The following PRKAG1 variants were observed in gnomAD, a reference collection of about 807,000 sequenced individuals.
The protein encoded by PRKAG1 is 5'-AMP-activated protein kinase subunit gamma-1.
PRKAG1 carries 27 observed loss-of-function variants against 48.2 expected under a neutral mutation model. The observed-to-expected ratio is 0.56, with a 90% CI of 0.41 to 0.77. PRKAG1 has a LOEUF of 0.77. Ranked by LOEUF, PRKAG1 falls within the 30% of genes least tolerant of loss-of-function variation. The pLI is 0.00. For synonymous variants in PRKAG1, 130 were observed against 147.7 expected (o/e 0.88, Z 0.87); for missense variants, 287 against 398.3 (o/e 0.72, Z 2.38).
chr12:49,002,824 T>A lies in PRKAG1; in HGVS notation c.*75A>T, dbSNP rs1429116590. 7.2e-7 allele frequency: 1 copy of A among 1,379,360 alleles called. No individual in the cohort carries two copies. Among genetic ancestry groups the A allele is most frequent in the Non-Finnish European group, 1.0e-6 (1 of 982,900 alleles). The allele number at this position is 1,379,360 out of a possible 1,614,324, so 85.4% of individuals were successfully genotyped here. A position where few individuals can be genotyped will look rare whatever the true frequency, so the allele number is the denominator to read the frequency against. On this transcript the variant is annotated 3_prime_UTR_variant, in exon 12 of 12. Transcript: ENST00000548065. ...AGAGTCACAATTCCCTCAAGTTTCA[T>A]CTGATTCCCACAGAGCTTCCAGCAG...
At chr12:49,017,393 G>A (rs138728522) in intron 1 of PRKAG1, 61 of 349,072 alleles carry the variant, frequency 1.7e-4, no homozygotes, top group African/African-American at 1.3e-3. Context: ...TTTTGTTTCT[G>A]TCGAGACAGG....
intron 1 of PRKAG1, chr12:49,017,080 G>C (rs1460611955): frequency 4.4e-6 from 2 of 450,056 alleles, no homozygotes; most frequent in Non-Finnish European, 8.9e-6. Context: ...TTCTGTCACA[G>C]TCCTCTGTTT....
At chr12:49,010,619 G>A (rs1941717070) in intron 2 of PRKAG1, among the ~76,000 whole-genome samples, 1 of 152,134 alleles carries the variant, frequency 6.6e-6, no homozygotes, top group African/African-American at 2.4e-5. Flanking sequence ...GGATCTGACT[G>A]TTTCTTAGAC....
Position 49,005,025 on chromosome 12 carries a change from G to A in PRKAG1, c.356-7C>T, listed in dbSNP as rs781205762. ...GAGTCCTGGAGATACACCTCTGAAGGGAAAAGGGATGGGTCACAAAATACC... is the reference window on the plus strand; with the variant it reads ...GAGTCCTGGAGATACACCTCTGAAGAGAAAAGGGATGGGTCACAAAATACC... On this transcript the variant is annotated splice_polypyrimidine_tract_variant and splice_region_variant and intron_variant, in intron 6 of 11. Transcript: ENST00000548065. The surrounding 1 kb of genome is among the most constrained non-coding windows in gnomAD (Gnocchi z 4.1). 4 of 1,613,866 alleles carry A rather than the reference G, an allele frequency of 2.5e-6. No homozygotes were observed. The highest frequency in any genetic ancestry group is 3.4e-6 in the Non-Finnish European group (4 of 1,179,936).
Position 49,004,516 on chromosome 12 carries a change from G to C in PRKAG1, c.528C>G (p.Leu176=). 1.2e-6 allele frequency: 2 copies of C among 1,614,102 alleles called. No homozygotes were observed. The highest frequency in any genetic ancestry group is 1.7e-6 in the Non-Finnish European group (2 of 1,179,976). The change falls in exon 8 of 12, where the codon CTC becomes CTG. Residue 176 remains leucine, a synonymous_variant. Coordinates refer to ENST00000548065, the MANE Select transcript of PRKAG1 (RefSeq NM_002733.5). ...ILTHKRILKF[L]KLFITEFPKP... Reference sequence around the variant, plus strand: ...GCTGAGGAGCACTTACAAACAATTTGAGGAACTTCAGAATGCGCTTGTGGG... The same window carrying C: ...GCTGAGGAGCACTTACAAACAATTTCAGGAACTTCAGAATGCGCTTGTGGG...
chr12:49,005,464 A>G lies in PRKAG1; in HGVS notation c.248T>C (p.Val83Ala). The G allele has an allele frequency of 6.2e-7, 1 of 1,614,178 alleles. No individual in the cohort carries two copies. The highest frequency in any genetic ancestry group is 8.5e-7 in the Non-Finnish European group (1 of 1,180,028). Residue 83 changes from valine (V) to alanine (A), a missense_variant and splice_region_variant, in exon 4 of 12, where the codon GTG becomes GCG. Val to Ala is a moderately conservative substitution (Grantham distance 64). Coordinates refer to ENST00000548065, the MANE Select transcript of PRKAG1 (RefSeq NM_002733.5). This position sits in a 1 kb window ranked among gnomAD's most constrained non-coding sequence, Gnocchi z 4.1. ...GTGTTCCAGAAACTTTTGCTTACCC[A>G]CAAAACTTTGCTTCTTACTATCCCA... is the stretch of plus-strand genomic sequence containing the variant. ...PLWDSKKQSF[V>A]GMLTITDFIN...
intron 2 of PRKAG1, among the ~76,000 whole-genome samples, chr12:49,009,963 C>A (rs571936547): frequency 6.6e-6 from 1 of 152,258 alleles, no homozygotes; most frequent in African/African-American, 2.4e-5. Context: ...GAAATATGTT[C>A]CTTTATCTAA....
rs755197581 is a variant in PRKAG1 at position 49,003,547 on chromosome 12, C to G, written c.741+11G>C. 19 of 1,610,140 alleles carry G rather than the reference C, an allele frequency of 1.2e-5. No individual in the cohort carries two copies. The highest frequency in any genetic ancestry group is 1.6e-5 in the Non-Finnish European group (19 of 1,177,738). ...ACTTCCCTACCTCCCAGACCCTCCA[C>G]AATCACTCACGATAACATCAAACTT... On this transcript the variant is annotated intron_variant, in intron 10 of 11. Coordinates refer to ENST00000548065, the MANE Select transcript of PRKAG1 (RefSeq NM_002733.5).
rs1318296696 is a variant in PRKAG1, at chr12:49,005,292, T to A, written c.309+14A>T. The A allele has an allele frequency of 6.2e-7, 1 of 1,614,010 alleles. No individual in the cohort carries two copies. The highest frequency in any genetic ancestry group is 1.1e-5 in the South Asian group (1 of 91,006). ...AGGGAAAGTGATTTTGGTCATTGGG[T>A]TAAGGTTCCTTACCAAGGCTGATTT... On this transcript the variant is annotated intron_variant, in intron 5 of 11. Transcript: ENST00000548065. This position sits in a 1 kb window ranked among gnomAD's most constrained non-coding sequence, Gnocchi z 4.1.
At chr12:49,003,643 TCC>T (rs752469335) in intron 9 of PRKAG1, 48 bp from the exon 10 acceptor site, 1 of 1,610,210 alleles carries the variant, frequency 6.2e-7, no homozygotes, top group Non-Finnish European at 8.5e-7. Context: ...GATCTAAAGC[TCC>T]CCCTACTCAT....
intron 1 of PRKAG1, chr12:49,017,192 G>A (rs1340406461): frequency 4.4e-6 from 2 of 455,806 alleles, no homozygotes; most frequent in Admixed American, 2.4e-5. Context: ...TTCAAAGCAG[G>A]AGTTTTCTTT....
At chr12:49,012,807 C>T (rs995387013) in intron 2 of PRKAG1, 3 of 480,444 alleles carry the variant, frequency 6.2e-6, no homozygotes, top group Non-Finnish European at 1.1e-5. Context: ...CCAGAGTTGC[C>T]TATGGAAGTT....
intron 2 of PRKAG1, among the ~76,000 whole-genome samples, chr12:49,007,150 G>A (rs1039991222): frequency 6.6e-6 from 1 of 151,952 alleles, no homozygotes; most frequent in East Asian, 1.9e-4. Flanking sequence ...AGCCAGGCGT[G>A]GTGGCACGTG....
intron 7 of PRKAG1, 65 bp downstream of exon 7, chr12:49,004,899 G>A: frequency 3.3e-6 from 5 of 1,534,232 alleles, no homozygotes; most frequent in Non-Finnish European, 3.6e-6. Context: ...GGGTGTCTAG[G>A]GCATTAGCTA....
rs1254864076 is a variant in PRKAG1, at chr12:49,005,591, G to C, written c.169-48C>G. The C allele has an allele frequency of 6.2e-7, 1 of 1,613,950 alleles. No individual in the cohort carries two copies. Among genetic ancestry groups the C allele is most frequent in the Non-Finnish European group, 8.5e-7 (1 of 1,179,964 alleles). On this transcript the variant is annotated intron_variant, in intron 3 of 11. Coordinates refer to ENST00000548065, the MANE Select transcript of PRKAG1 (RefSeq NM_002733.5). The surrounding 1 kb of genome is among the most constrained non-coding windows in gnomAD (Gnocchi z 4.1). ...CATAAAGGCAAATCCACAGGGGCAG[G>C]ACTGTAAAAAAAGAACAGTGTTTGG...
Position 49,002,719 on chromosome 12 carries a change from A to G in PRKAG1, c.*180T>C. The G allele has an allele frequency of 1.4e-6, 1 of 712,306 alleles. No homozygotes were observed. The highest frequency in any genetic ancestry group is 2.7e-5 in the East Asian group (1 of 36,994). The allele number at this position is 712,306 out of a possible 1,614,324, so 44.1% of individuals were successfully genotyped here. ...CAAGTGTATGTGTGAGGGTAAGGGT[A>G]GCTATAAATCCATTCTCTTTCCTCC... On this transcript the variant is annotated 3_prime_UTR_variant, in exon 12 of 12. Coordinates refer to ENST00000548065, the MANE Select transcript of PRKAG1 (RefSeq NM_002733.5).
At chr12:49,011,339 G>C (rs1941752292) in intron 2 of PRKAG1, among the ~76,000 whole-genome samples, 1 of 152,072 alleles carries the variant, frequency 6.6e-6, no homozygotes, top group South Asian at 2.1e-4. Context: ...GTTTATAATT[G>C]AGACAGGATC....
At chr12:49,015,948 CT>C (rs67495781) in intron 1 of PRKAG1, among the ~76,000 whole-genome samples, 265 of 142,494 alleles carry the variant, frequency 1.9e-3, no homozygotes, top group East Asian at 7.4e-3. Context: ...TCCTTTCTAC[CT>C]TTTTTTTTTT....
chr12:49,005,332 G>C lies in PRKAG1; in HGVS notation c.283C>G (p.Leu95Val). Residue 95 changes from leucine (L) to valine (V), a missense_variant, in exon 5 of 12, where the codon CTG becomes GTG. Around this residue, in one of 2 missense-constraint regions of PRKAG1, gnomAD observed 224 missense variants for 344.3 expected, o/e 0.65. Coordinates refer to ENST00000548065, the MANE Select transcript of PRKAG1 (RefSeq NM_002733.5). The surrounding 1 kb of genome is among the most constrained non-coding windows in gnomAD (Gnocchi z 4.1). ...AAGGCTGATTTATAGTAGCGGTGCA[G>C]GATATTGATGAAATCAGTGATGGTC... ...MLTITDFINILHRYYKSALVQ... is the reference protein window; with the variant it reads ...MLTITDFINIVHRYYKSALVQ... The C allele has an allele frequency of 6.2e-7, 1 of 1,614,180 alleles. No homozygotes were observed. Among genetic ancestry groups the C allele is most frequent in the Non-Finnish European group, 8.5e-7 (1 of 1,180,038 alleles).
Sources: allele counts gnomAD v4.1 joint callset (sites outside exome capture counted in the v4.1 genomes callset), GRCh38; gene constraint gnomAD v4.1.1; regional missense constraint gnomAD v4.1.1; non-coding constraint Gnocchi (gnomAD v3.1); transcripts MANE v1.5; gene names NCBI Gene and HGNC (gene_info 2026-07-23, HGNC 2026-07-21).